The following CDH13 variants were observed in gnomAD, a reference collection of about 807,000 sequenced individuals.
CDH13 encodes the protein cadherin 13.
In CDH13, 24 loss-of-function variants were observed where a neutral mutation model predicts 63.8. The observed-to-expected ratio is 0.38, with a 90% confidence interval of 0.27 to 0.53. CDH13 has a LOEUF of 0.53. Among genes scored for constraint, CDH13 ranks in the 20% least tolerant of loss-of-function variants. CDH13 has a pLI of 0.85. For synonymous variants in CDH13, 503 were observed against 355.3 expected (o/e 1.42, Z -4.67); for missense variants, 1,049 against 903.1 (o/e 1.16, Z -2.07).
chr16:83,398,882 G>C (rs1026448215), intron 6 of CDH13, among the ~76,000 whole-genome samples: 2 of 152,158 alleles, frequency 1.3e-5, no homozygotes, highest in Non-Finnish European at 2.9e-5. Context: ...TAATTTTAAA[G>C]TTGCTAACCC....
intron 6 of CDH13, among the ~76,000 whole-genome samples, chr16:83,466,070 G>T (rs907988652): frequency 6.6e-6 from 1 of 152,126 alleles, no homozygotes; most frequent in African/African-American, 2.4e-5. Context: ...CTCGAGGCAG[G>T]ACCACCCCCC....
intron 4 of CDH13, among the ~76,000 whole-genome samples, chr16:83,187,600 C>T (rs2038565381): frequency 6.6e-6 from 1 of 151,912 alleles, no homozygotes; most frequent in Non-Finnish European, 1.5e-5. Flanking sequence ...TGTTTGCAAC[C>T]CGCAGCTCTG....
At chr16:83,122,621 C>T (rs185975005) in intron 3 of CDH13, among the ~76,000 whole-genome samples, 1 of 152,144 alleles carries the variant, frequency 6.6e-6, no homozygotes, top group Non-Finnish European at 1.5e-5. Flanking sequence ...GTCCCTTTAT[C>T]CCTATTCATT....
At chr16:83,316,816 A>C (rs1159360882) in intron 5 of CDH13, among the ~76,000 whole-genome samples, 1 of 152,236 alleles carries the variant, frequency 6.6e-6, no homozygotes, top group African/African-American at 2.4e-5. Context: ...ACACTGGCCT[A>C]AAACAACAGA....
At chr16:83,099,272 C>T (rs936654673) in intron 3 of CDH13, among the ~76,000 whole-genome samples, 2 of 152,118 alleles carry the variant, frequency 1.3e-5, no homozygotes, top group Admixed American at 6.6e-5. Context: ...TGTACACACA[C>T]ACATTTTACA....
intron 6 of CDH13, among the ~76,000 whole-genome samples, chr16:83,418,401 A>C (rs1437154450): frequency 2.6e-5 from 4 of 152,208 alleles, no homozygotes; most frequent in Non-Finnish European, 5.9e-5. Flanking sequence ...TTTCCAAATT[A>C]AGAAAAAAGA....
At chr16:83,341,651 A>C (rs903619490) in intron 5 of CDH13, among the ~76,000 whole-genome samples, 2 of 152,164 alleles carry the variant, frequency 1.3e-5, no homozygotes, top group African/African-American at 4.8e-5. Flanking sequence ...CCAGGGACTC[A>C]TAGGAAGAAA....
rs188455736 is a variant in CDH13 at position 83,501,557 on chromosome 16, C to T, written c.960+14902C>T. Among the ~76,000 whole-genome samples, 27 of 152,272 alleles carry T rather than the reference C, an allele frequency of 1.8e-4. 1 individual carries two copies. In the East Asian group the frequency reaches 2.5e-3, roughly 14 times the overall value. On this transcript the variant is annotated intron_variant, in intron 7 of 13. Coordinates refer to ENST00000567109, the MANE Select transcript of CDH13 (RefSeq NM_001257.5). The stretch of plus-strand genomic sequence containing the variant: ...TGGACAGCCACCATGTAAACAATTA[C>T]GGCGTTTTTTCATCCAGGCATTACA...
At chr16:82,688,924 G>C (rs1041647485) in intron 1 of CDH13, 5 of 152,160 alleles carry the variant, frequency 3.3e-5, no homozygotes, top group Non-Finnish European at 7.3e-5. Flanking sequence ...GGCTTGGTCA[G>C]GCTTCCTGGT....
intron 3 of CDH13, among the ~76,000 whole-genome samples, chr16:83,040,257 C>G (rs987913121): frequency 3.3e-5 from 5 of 152,052 alleles, no homozygotes; most frequent in African/African-American, 9.7e-5. Context: ...AGTCAAGGTT[C>G]TTTAAAGACA....
chr16:83,488,538 A>G (rs1474671039), intron 7 of CDH13, among the ~76,000 whole-genome samples: 1 of 152,216 alleles, frequency 6.6e-6, no homozygotes, highest in Non-Finnish European at 1.5e-5. Flanking sequence ...GTTAAAGAAT[A>G]GGGAAGTAGA....
chr16:83,754,810 C>G (rs1403406876), intron 11 of CDH13, among the ~76,000 whole-genome samples: 1 of 152,092 alleles, frequency 6.6e-6, no homozygotes, highest in Non-Finnish European at 1.5e-5. Flanking sequence ...TTAAATTGCC[C>G]AGTCTCTGGT....
intron 2 of CDH13, among the ~76,000 whole-genome samples, chr16:82,978,578 C>T (rs368801898): frequency 3.7e-4 from 56 of 152,334 alleles, no homozygotes; most frequent in African/African-American, 1.3e-3. Context: ...GTTGTGGCTT[C>T]GGTGGGTGCA....
chr16:83,033,079 C>T (rs1417935890), intron 3 of CDH13, among the ~76,000 whole-genome samples: 2 of 151,906 alleles, frequency 1.3e-5, no homozygotes, highest in Non-Finnish European at 2.9e-5. Context: ...GCATATGTAC[C>T]ATATACTTAT....
intron 2 of CDH13, among the ~76,000 whole-genome samples, chr16:83,024,269 T>C (rs1597161691): frequency 1.3e-5 from 2 of 152,230 alleles, no homozygotes; most frequent in African/African-American, 4.8e-5. Flanking sequence ...TTTGGCTCTT[T>C]AGATTTATTT....
intron 5 of CDH13, among the ~76,000 whole-genome samples, chr16:83,259,927 A>G (rs912192046): frequency 6.6e-6 from 1 of 152,160 alleles, no homozygotes; most frequent in Non-Finnish European, 1.5e-5. Context: ...GTGCAACCAA[A>G]TGAACATCAT....
chr16:83,566,369 G>C (rs1465693513), intron 7 of CDH13, among the ~76,000 whole-genome samples: 1 of 152,200 alleles, frequency 6.6e-6, no homozygotes, highest in Non-Finnish European at 1.5e-5. Flanking sequence ...TGGAATGGGA[G>C]TTCCAGCTTC....
At chr16:82,649,278 A>G (rs183778521) in intron 1 of CDH13, among the ~76,000 whole-genome samples, 1 of 152,288 alleles carries the variant, frequency 6.6e-6, no homozygotes, top group East Asian at 1.9e-4. Flanking sequence ...GCTAGATAGA[A>G]GGATAGATGA....
At chr16:83,656,730 C>G (rs1472284039) in intron 8 of CDH13, among the ~76,000 whole-genome samples, 2 of 152,194 alleles carry the variant, frequency 1.3e-5, no homozygotes, top group East Asian at 3.8e-4. Context: ...GTCTTTGCCA[C>G]TCTCCCCTAC....
Sources: gnomAD v4.1 joint callset for allele counts (sites outside exome capture counted in the v4.1 genomes callset) on GRCh38, gnomAD v4.1.1 for gene constraint, MANE v1.5 for transcripts, NCBI Gene and HGNC (gene_info 2026-07-23, HGNC 2026-07-21) for gene names.